The following CACNA1C variants were observed in gnomAD, a reference collection of about 807,000 sequenced individuals.
CACNA1C encodes the protein calcium voltage-gated channel subunit alpha1 C.
Under a neutral mutation model 229.0 loss-of-function variants are expected in CACNA1C, and 30 were observed. The ratio of observed to expected loss-of-function variants is 0.13; its 90% CI spans 0.10 to 0.18. CACNA1C has a LOEUF of 0.18. Among genes scored for constraint, CACNA1C ranks in the 10% least tolerant of loss-of-function variants. The pLI is 1.00. For synonymous variants in CACNA1C, 1,114 were observed against 1,132.5 expected (o/e 0.98, Z 0.33); for missense variants, 1,658 against 2,845.0 (o/e 0.58, Z 9.49).
At chr12:2,659,237 A>ATATT (rs2095582183) in intron 34 of CACNA1C, among the ~76,000 whole-genome samples, 1 of 152,076 alleles carries the variant, frequency 6.6e-6, no homozygotes, top group Admixed American at 6.6e-5. Context: ...CCGTATTTAA[A>ATATT]TATTTTTTAC....
intron 29 of CACNA1C, 135 bp from the exon 30 acceptor site, chr12:2,634,162 A>AT (rs199881314): frequency 3.0e-5 from 14 of 472,038 alleles, no homozygotes; most frequent in South Asian, 7.1e-5. Context: ...TTCTTTTCTC[A>AT]TTTTTTTTCT....
At chr12:2,313,456 G>C (rs571944125) in intron 3 of CACNA1C, among the ~76,000 whole-genome samples, 1 of 152,192 alleles carries the variant, frequency 6.6e-6, no homozygotes, top group Non-Finnish European at 1.5e-5. Context: ...CGAATCAGCA[G>C]GAAACTGGCT....
chr12:2,019,901 T>C (rs2154486939), intron 1 of CACNA1C: 1 of 152,366 alleles, frequency 6.6e-6, no homozygotes, highest in African/African-American at 2.4e-5. Flanking sequence ...TTGTTAAATT[T>C]CTTTTTATGT....
intron 3 of CACNA1C, among the ~76,000 whole-genome samples, chr12:2,301,407 G>A (rs2094549579): frequency 6.6e-6 from 1 of 152,178 alleles, no homozygotes; most frequent in Non-Finnish European, 1.5e-5. Flanking sequence ...TTAGCACAGA[G>A]GCAGGGCAGA....
chr12:2,498,257 G>A (rs1397561538), intron 7 of CACNA1C, among the ~76,000 whole-genome samples: 20 of 152,162 alleles, frequency 1.3e-4, no homozygotes, highest in Admixed American at 1.2e-3. Context: ...CAGAAACAGT[G>A]TCCAGGGCCC....
In CACNA1C at chr12:2,033,397, A is replaced by C. The variant is rs539068198; in HGVS notation, c.139+62196A>C. On this transcript the variant is annotated intron_variant, in intron 1 of 46. Transcript: ENST00000682462. ...CATCCGACACCCTGGAACCCAGGAC[A>C]TGGATCCCATTTTCTCTCCAAACCC... 3.9e-5 allele frequency among the ~76,000 whole-genome samples: 6 copies of C among 152,242 alleles called. No homozygotes were observed. The South Asian group carries it at 1.2e-3, about 32-fold the overall frequency.
At chr12:2,628,789 A>G (rs1233418916) in intron 29 of CACNA1C, among the ~76,000 whole-genome samples, 1 of 152,126 alleles carries the variant, frequency 6.6e-6, no homozygotes, top group African/African-American at 2.4e-5. Flanking sequence ...TGGGAGGCTG[A>G]GGAGCTTGAG....
intron 9 of CACNA1C, among the ~76,000 whole-genome samples, chr12:2,519,043 C>G (rs909522708): frequency 6.6e-6 from 1 of 152,246 alleles, no homozygotes. Context: ...CCCTGCCCAG[C>G]AGACCACAGT....
rs535298679 is a variant in CACNA1C, at chr12:1,994,935, A to G, written c.139+23734A>G. Among the ~76,000 whole-genome samples the G allele has an allele frequency of 1.9e-4, 24 of 126,132 alleles. No individual in the cohort carries two copies. In the South Asian group the frequency reaches 7.0e-3, roughly 37 times the overall value. The allele number at this position is 126,132 out of a possible 152,430, so 82.7% of individuals were successfully genotyped here. On this transcript the variant is annotated intron_variant, in intron 1 of 46. Coordinates refer to the CACNA1C transcript ENST00000682462. ...ACCCCCCACCCACCATGAGTTTTAC[A>G]TGCTTTTTGTAATTCGCTACTGAAG...
chr12:2,044,606 G>C (rs927206944), intron 1 of CACNA1C, among the ~76,000 whole-genome samples: 1 of 152,170 alleles, frequency 6.6e-6, no homozygotes, highest in East Asian at 1.9e-4. Flanking sequence ...ATTCCTATCA[G>C]TGTTATCTAT....
intron 1 of CACNA1C, among the ~76,000 whole-genome samples, chr12:2,005,688 T>G (rs535149640): frequency 8.5e-5 from 13 of 152,240 alleles, no homozygotes; most frequent in Non-Finnish European, 1.9e-4. Context: ...AAAGTGTCAA[T>G]ATCTCAAAGA....
At chr12:2,099,897 C>T (rs1182603283) in intron 1 of CACNA1C, among the ~76,000 whole-genome samples, 1 of 152,118 alleles carries the variant, frequency 6.6e-6, no homozygotes, top group Non-Finnish European at 1.5e-5. Flanking sequence ...GATTGTCACA[C>T]AGTGCTATGA....
intron 3 of CACNA1C, among the ~76,000 whole-genome samples, chr12:2,129,392 T>C (rs2091484598): frequency 6.6e-6 from 1 of 152,204 alleles, no homozygotes; most frequent in East Asian, 1.9e-4. Context: ...GAAAGCATTG[T>C]CTGCTCTGCG....
chr12:2,534,200 A>G (rs1409408085), intron 9 of CACNA1C, among the ~76,000 whole-genome samples: 1 of 152,190 alleles, frequency 6.6e-6, no homozygotes, highest in African/African-American at 2.4e-5. Flanking sequence ...TAAGCCCTCC[A>G]TCAGTGGTGT....
intron 30 of CACNA1C, 32 bp downstream of exon 30, chr12:2,634,412 G>C (rs190755140): frequency 2.5e-6 from 3 of 1,205,464 alleles, no homozygotes; most frequent in Non-Finnish European, 3.6e-6. Flanking sequence ...CTAACCGTCC[G>C]TGCCTGCTCT....
chr12:2,506,100 C>T (rs557558722), intron 8 of CACNA1C, among the ~76,000 whole-genome samples: 6 of 152,284 alleles, frequency 3.9e-5, no homozygotes, highest in African/African-American at 1.4e-4. Context: ...CCAGCTCTTC[C>T]ACCTCCCATG....
intron 29 of CACNA1C, among the ~76,000 whole-genome samples, chr12:2,629,836 G>A (rs1409483380): frequency 6.6e-6 from 1 of 152,240 alleles, no homozygotes; most frequent in African/African-American, 2.4e-5. Context: ...ATGATTTTCT[G>A]ATGTCAATAA....
chr12:2,163,181 C>G (rs993717675), intron 3 of CACNA1C, among the ~76,000 whole-genome samples: 1 of 114,978 alleles, frequency 8.7e-6, no homozygotes, highest in African/African-American at 3.2e-5. Context: ...CTAGTCTGGG[C>G]AACAAGAGTG....
At chr12:2,461,541 A>G (rs1355852782) in intron 5 of CACNA1C, among the ~76,000 whole-genome samples, 1 of 152,084 alleles carries the variant, frequency 6.6e-6, no homozygotes, top group African/African-American at 2.4e-5. Flanking sequence ...TCACCAGCCC[A>G]GACCTTTTTT....
Sources: gnomAD v4.1 joint callset for allele counts (sites outside exome capture counted in the v4.1 genomes callset) on GRCh38, gnomAD v4.1.1 for gene constraint, MANE v1.5 for transcripts, NCBI Gene and HGNC (gene_info 2026-07-23, HGNC 2026-07-21) for gene names.